SNX27: variants seen among roughly 807,000 people sequenced by gnomAD.
The protein encoded by SNX27 is sorting nexin 27, also known as sorting nexin-27.
SNX27 carries 22 observed loss-of-function variants against 71.6 expected under a neutral mutation model. The observed-to-expected ratio is 0.31, with a 90% CI of 0.22 to 0.44. SNX27 has a LOEUF of 0.44. SNX27 is among the 20% of genes least tolerant of loss of function. The pLI, the probability that SNX27 is intolerant of heterozygous loss-of-function variation, is 1.00. For missense variants in SNX27, 531 were observed against 698.6 expected, an observed-to-expected ratio of 0.76 and a Z score of 2.70; for synonymous variants, 269 against 277.2, an observed-to-expected ratio of 0.97 and a Z score of 0.29.
At chr1:151,629,060 C>T (rs1203640852) in intron 1 of SNX27, among the ~76,000 whole-genome samples, 1 of 151,842 alleles carries the variant, frequency 6.6e-6, no homozygotes, top group Non-Finnish European at 1.5e-5. Flanking sequence ...ATTGCCAACC[C>T]CCTAGATTTT....
At chr1:151,664,427 A>T (rs78433184) in intron 5 of SNX27, among the ~76,000 whole-genome samples, 1,838 of 151,982 alleles carry the variant, frequency 0.012, 44 homozygotes, top group African/African-American at 0.041. Context: ...GTACAATAAG[A>T]TGTCCTGGCC....
Position 151,628,925 on chromosome 1 carries a change from GTT to G in SNX27, c.312-9960_312-9959del, listed in dbSNP as rs550949539. Among the ~76,000 whole-genome samples, 1,125 of 152,230 alleles carry G rather than the reference GTT, an allele frequency of 7.4e-3. 17 individuals are homozygous for G. Among genetic ancestry groups the G allele is most frequent in the African/African-American group, 0.026 (1,075 of 41,552 alleles). On this transcript the variant is annotated intron_variant, in intron 1 of 11. Coordinates refer to ENST00000458013, the MANE Select transcript of SNX27 (RefSeq NM_001330723.2). Reference sequence around the variant, plus strand: ...TTTTGCAAATATTTTCTCCTAGTCTGTTTTGTTTTTTCATTCTCTTAACAGTG... The same window carrying G: ...TTTTGCAAATATTTTCTCCTAGTCTGTTGTTTTTTCATTCTCTTAACAGTG...
At chr1:151,636,033 T>C (rs1668443455) in intron 1 of SNX27, among the ~76,000 whole-genome samples, 1 of 152,182 alleles carries the variant, frequency 6.6e-6, no homozygotes, top group Admixed American at 6.5e-5. Context: ...GGAGTTTATA[T>C]ACTCCTTTTT....
chr1:151,675,546 TTTTTGTTTTG>T lies in SNX27; in HGVS notation c.1149+6927_1149+6936del, dbSNP rs369228625. Among the ~76,000 whole-genome samples the T allele has an allele frequency of 3.9e-3, 594 of 151,914 alleles. 7 individuals are homozygous for T. The highest frequency in any genetic ancestry group is 0.014 in the African/African-American group (568 of 41,478). ...ATTCCCTGTTATTTGTTCCAGAGTT[TTTTTGTTTTG>T]TTTTGTTTTGTTTTGAGATGGGTTT... On this transcript the variant is annotated intron_variant, in intron 7 of 11. Coordinates refer to ENST00000458013, the MANE Select transcript of SNX27 (RefSeq NM_001330723.2).
chr1:151,663,312 G>A (rs544554026), intron 5 of SNX27, among the ~76,000 whole-genome samples: 204 of 151,942 alleles, frequency 1.3e-3, no homozygotes, highest in African/African-American at 4.8e-3. Flanking sequence ...CACCACGCCC[G>A]GCTAATTTTT....
intron 2 of SNX27, among the ~76,000 whole-genome samples, chr1:151,650,224 TG>T (rs1336410722): frequency 6.6e-6 from 1 of 152,106 alleles, no homozygotes; most frequent in African/African-American, 2.4e-5. Context: ...GATGGGGTCT[TG>T]CTATGTTCCC....
intron 7 of SNX27, among the ~76,000 whole-genome samples, chr1:151,671,639 A>G (rs971217042): frequency 5.9e-5 from 9 of 151,554 alleles, no homozygotes; most frequent in African/African-American, 2.2e-4. Flanking sequence ...TGAAGATGTC[A>G]TTGGTATTTT....
At chr1:151,673,449 G>A (rs1670533419) in intron 7 of SNX27, among the ~76,000 whole-genome samples, 2 of 152,062 alleles carry the variant, frequency 1.3e-5, no homozygotes, top group African/African-American at 4.8e-5. Flanking sequence ...CTAACATATG[G>A]TCTGCTCTTG....
intron 1 of SNX27, among the ~76,000 whole-genome samples, chr1:151,619,864 T>G (rs1341091606): frequency 6.6e-6 from 1 of 152,172 alleles, no homozygotes; most frequent in African/African-American, 2.4e-5. Flanking sequence ...ATCCCTGCCT[T>G]TGAGAAGCTT....
intron 7 of SNX27, chr1:151,676,329 A>C (rs1670701282): frequency 1.2e-5 from 1 of 80,426 alleles, no homozygotes; most frequent in Non-Finnish European, 2.2e-5. Flanking sequence ...TTTTTGAGAC[A>C]GAGTCTGGCT....
At chr1:151,666,565 G>T (rs1670197290) in intron 6 of SNX27, 1 of 152,218 alleles carries the variant, frequency 6.6e-6, no homozygotes, top group Non-Finnish European at 1.5e-5. Context: ...AGACTACAAA[G>T]GGGAGAGAGT....
chr1:151,615,642 A>T (rs550242100), intron 1 of SNX27: 1 of 968,800 alleles, frequency 1.0e-6, no homozygotes, highest in Non-Finnish European at 1.2e-6. Context: ...GGATAGGTGG[A>T]TTATCATTGT....
intron 1 of SNX27, among the ~76,000 whole-genome samples, chr1:151,617,086 A>AAGTGGAAAATC (rs1191838742): frequency 6.6e-6 from 1 of 152,160 alleles, no homozygotes; most frequent in Admixed American, 6.6e-5. Flanking sequence ...ATTCCAACCT[A>AAGTGGAAAATC]AGTGGAAAAT....
At chr1:151,693,172 C>G in intron 10 of SNX27, 133 bp downstream of exon 10, 1 of 1,306,278 alleles carries the variant, frequency 7.7e-7, no homozygotes, top group Non-Finnish European at 1.1e-6. Flanking sequence ...AATCCTGGAG[C>G]CCCCAGATTC....
chr1:151,632,162 GT>G lies in SNX27; in HGVS notation c.312-6714del, dbSNP rs553648123. On this transcript the variant is annotated intron_variant, in intron 1 of 11. Coordinates refer to ENST00000458013, the MANE Select transcript of SNX27 (RefSeq NM_001330723.2). ...AACTTTATAATTTGTTGCGGAGGTT[GT>G]TTTTTTTTTTTGAGATGGAGTTTTG... is the stretch of plus-strand genomic sequence containing the variant. 8.1e-4 allele frequency among the ~76,000 whole-genome samples: 116 copies of G among 143,268 alleles called. 1 individual carries two copies. The East Asian group carries it at 0.011, about 14-fold the overall frequency. The allele number at this position is 143,268 out of a possible 152,430, so 94.0% of individuals were successfully genotyped here. A position where few individuals can be genotyped will look rare whatever the true frequency, so the allele number is the denominator to read the frequency against.
At position 151,692,635 on chromosome 1, in the gene SNX27, G is replaced by GGAGATA; in HGVS notation, c.1389+51_1389+52insGAGATA. The GGAGATA allele has an allele frequency of 3.2e-6, 5 of 1,582,826 alleles. No homozygotes were observed. In the African/African-American group the frequency reaches 6.8e-5, roughly 22 times the overall value. ...CTGCGAGGACTGGAGATACTTTGAT[G>GGAGATA]CTCACTTGCTTGTGACGTTTTAATT... On this transcript the variant is annotated intron_variant, in intron 9 of 11. Transcript: ENST00000458013.
intron 7 of SNX27, among the ~76,000 whole-genome samples, chr1:151,670,520 A>G (rs1427042796): frequency 1.3e-5 from 2 of 152,196 alleles, no homozygotes; most frequent in African/African-American, 4.8e-5. Flanking sequence ...AACAGTAAAC[A>G]AGGGTTCCCT....
In SNX27 at chr1:151,652,194, AGGGAGACCGTG is replaced by A. The variant is rs1669430205; in HGVS notation, c.544-6034_544-6024del. Among the ~76,000 whole-genome samples, 8 of 106,008 alleles carry A rather than the reference AGGGAGACCGTG, an allele frequency of 7.5e-5. No homozygotes were observed. The Admixed American group carries it at 8.4e-4, about 11-fold the overall frequency. 69.5% of individuals were successfully genotyped at this position (106,008 alleles called of 152,430 possible). Reference sequence around the variant, plus strand: ...AGGGAGACCGTGGAAAGAGAGGGAGAGGGAGACCGTGGGGAGAGGGAGAGGGAGAGGGAGAG... The same window carrying A: ...AGGGAGACCGTGGAAAGAGAGGGAGAGGGAGAGGGAGAGGGAGAGGGAGAG... On this transcript the variant is annotated intron_variant, in intron 2 of 11. Coordinates refer to ENST00000458013, the MANE Select transcript of SNX27 (RefSeq NM_001330723.2).
intron 3 of SNX27, 124 bp downstream of exon 3, chr1:151,658,551 T>G: frequency 1.1e-6 from 1 of 950,104 alleles, no homozygotes; most frequent in South Asian, 1.7e-5. Flanking sequence ...TCTGACTAAG[T>G]ATTGAATGAT....
Sources: allele counts gnomAD v4.1 joint callset (sites outside exome capture counted in the v4.1 genomes callset), GRCh38; gene constraint gnomAD v4.1.1; transcripts MANE v1.5; gene names NCBI Gene and HGNC (gene_info 2026-07-23, HGNC 2026-07-21).